Variants in XK observed in about 807,000 individuals in gnomAD.
XK encodes X-linked Kx blood group antigen, Kell and VPS13A binding protein, also known as endoplasmic reticulum membrane adapter protein XK.
Under a neutral mutation model 14.0 loss-of-function variants are expected in XK, and 2 were observed. The observed-to-expected ratio is 0.14, with a 90% CI of 0.06 to 0.45. The LOEUF (loss-of-function observed/expected upper bound fraction) is 0.45, where lower values mean the gene tolerates loss of function less well. Among genes scored for constraint, XK ranks in the 20% least tolerant of loss-of-function variants. XK has a pLI of 0.98. For missense variants in XK, 235 were observed against 341.5 expected, an observed-to-expected ratio of 0.69 and a Z score of 2.46; for synonymous variants, 149 against 147.5, an observed-to-expected ratio of 1.01 and a Z score of -0.08.
chrX:37,699,547 A>G (rs1927369882), intron 2 of XK, among the ~76,000 whole-genome samples: 1 of 111,870 alleles, frequency 8.9e-6, no homozygotes, highest in Non-Finnish European at 1.9e-5. Flanking sequence ...TTGAACCTCT[A>G]CTGTACAAGA....
intron 2 of XK, among the ~76,000 whole-genome samples, chrX:37,698,543 C>CAAA (rs35497516): frequency 1.5e-4 from 4 of 26,981 alleles, no homozygotes; most frequent in African/African-American, 3.7e-4. Flanking sequence ...GACCTTGCCT[C>CAAA]AAAAAAAAAA....
chrX:37,695,398 A>G (rs1434955146), intron 2 of XK, among the ~76,000 whole-genome samples: 1 of 110,585 alleles, frequency 9.0e-6, no homozygotes, highest in African/African-American at 3.3e-5. Flanking sequence ...CCTTTGGGCT[A>G]TTCTCACATC....
chrX:37,694,318 C>T lies in XK; in HGVS notation c.278C>T (p.Ser93Leu). 8.3e-7 allele frequency: 1 copy of T among 1,212,025 alleles called. No individual in the cohort carries two copies. The highest frequency in any genetic ancestry group is 2.2e-5 in the Admixed American group (1 of 46,109). The change falls in exon 2 of 3, where the codon TCA (serine) becomes TTA (leucine). Residue 93 changes from serine (S) to leucine (L), a missense_variant. Ser to Leu is a moderately radical substitution (Grantham distance 145). Transcript: ENST00000378616. ...GAAGTCTTCTGCATCTACTTTCAGT[C>T]AGGCAACAATGAAGAGCCTTATGTC... ...CFEVFCIYFQ[S>L]GNNEEPYVSI...
intron 1 of XK, among the ~76,000 whole-genome samples, chrX:37,687,180 TTCTCTCTCTCTCTTAC>T (rs1262875719): frequency 4.9e-5 from 4 of 82,015 alleles, no homozygotes; most frequent in Non-Finnish European, 9.4e-5. Flanking sequence ...CTCTCTCTCT[TTCTCTCTCTCTCTTAC>T]ACACACACAC....
chrX:37,702,636 A>G (rs1196059569), intron 2 of XK, among the ~76,000 whole-genome samples: 1 of 111,827 alleles, frequency 8.9e-6, no homozygotes, highest in Non-Finnish European at 1.9e-5. Context: ...TGCACCATGA[A>G]GACTGGGCCT....
At chrX:37,712,264 G>A (rs993381313) in intron 2 of XK, among the ~76,000 whole-genome samples, 2 of 111,889 alleles carry the variant, frequency 1.8e-5, no homozygotes, top group East Asian at 2.8e-4. Flanking sequence ...GGCCAGACAC[G>A]TTGACTAGAT....
rs782030949 is a variant in XK, at chrX:37,731,829, A to G, written c.*3367A>G. 9 of 112,427 alleles carry G rather than the reference A, an allele frequency of 8.0e-5. No individual in the cohort carries two copies. In the East Asian group the frequency reaches 2.0e-3, roughly 24 times the overall value. The allele number at this position is 112,427 out of a possible 1,213,427, so 9.3% of individuals were successfully genotyped here. A position where few individuals can be genotyped will look rare whatever the true frequency, so the allele number is the denominator to read the frequency against. ...AGTTTTCGATAAAGGATATAGCAAC[A>G]TCTTTTGATAATTGTGCTTTACAAC... is the stretch of plus-strand genomic sequence containing the variant. On this transcript the variant is annotated 3_prime_UTR_variant, in exon 3 of 3. Transcript: ENST00000378616.
chrX:37,701,606 G>A (rs1927418394), intron 2 of XK, among the ~76,000 whole-genome samples: 1 of 112,573 alleles, frequency 8.9e-6, no homozygotes, highest in South Asian at 3.7e-4. Flanking sequence ...TGCTGGGCAG[G>A]TTTGCTCATG....
intron 1 of XK, among the ~76,000 whole-genome samples, chrX:37,688,299 C>T (rs969187342): frequency 1.8e-5 from 2 of 109,902 alleles, no homozygotes; most frequent in Non-Finnish European, 3.8e-5. Flanking sequence ...ATCTCTTGAC[C>T]TCGTGATCCG....
At chrX:37,696,288 T>C (rs1411103329) in intron 2 of XK, among the ~76,000 whole-genome samples, 21 of 112,774 alleles carry the variant, frequency 1.9e-4, no homozygotes, top group African/African-American at 6.8e-4. Flanking sequence ...TTACTAACTT[T>C]TTACAAAGAA....
intron 2 of XK, among the ~76,000 whole-genome samples, chrX:37,705,598 A>G (rs1451239163): frequency 2.7e-5 from 3 of 111,734 alleles, no homozygotes; most frequent in African/African-American, 9.7e-5. Context: ...GAAACATACT[A>G]TGGACAGTGG....
chrX:37,731,887 G>C lies in XK; in HGVS notation c.*3425G>C, dbSNP rs1556451281. 8.9e-6 allele frequency: 1 copy of C among 112,085 alleles called. No individual in the cohort carries two copies. Among genetic ancestry groups the C allele is most frequent in the Admixed American group, 9.5e-5 (1 of 10,563 alleles). The allele number at this position is 112,085 out of a possible 1,213,427, so 9.2% of individuals were successfully genotyped here. A position where few individuals can be genotyped will look rare whatever the true frequency, so the allele number is the denominator to read the frequency against. On this transcript the variant is annotated 3_prime_UTR_variant, in exon 3 of 3. Coordinates refer to ENST00000378616, the MANE Select transcript of XK (RefSeq NM_021083.4). The stretch of plus-strand genomic sequence containing the variant: ...CTGATTCAAGGCATTATTTGGATGT[G>C]AGTTTAATCTTTTCAGCCTTGTAAA...
At chrX:37,720,107 C>T (rs1489620262) in intron 2 of XK, among the ~76,000 whole-genome samples, 2 of 111,071 alleles carry the variant, frequency 1.8e-5, no homozygotes, top group Non-Finnish European at 3.8e-5. Flanking sequence ...CATTATGGGG[C>T]CTGAATGTCA....
chrX:37,688,124 G>A lies in XK; in HGVS notation c.245+1918G>A, dbSNP rs1377329017. ...CGCCCAGGCTGGAGTGCAGTGGCGC[G>A]ATCTCAGCTCACTGCAAGCTCCGCT... On this transcript the variant is annotated intron_variant, in intron 1 of 2. Coordinates refer to ENST00000378616, the MANE Select transcript of XK (RefSeq NM_021083.4). Among the ~76,000 whole-genome samples, 7 of 99,213 alleles carry A rather than the reference G, an allele frequency of 7.1e-5. No homozygotes were observed. In the South Asian group the frequency reaches 2.9e-3, roughly 41 times the overall value. 86.2% of individuals were successfully genotyped at this position (99,213 alleles called of 115,157 possible).
chrX:37,718,596 C>A (rs964175514), intron 2 of XK, among the ~76,000 whole-genome samples: 2 of 111,690 alleles, frequency 1.8e-5, no homozygotes, highest in Admixed American at 1.9e-4. Context: ...CATGTATATG[C>A]AGGAGTAGAA....
chrX:37,720,661 T>C (rs913371574), intron 2 of XK, among the ~76,000 whole-genome samples: 1 of 110,800 alleles, frequency 9.0e-6, no homozygotes, highest in Non-Finnish European at 1.9e-5. Flanking sequence ...AAGTACAATG[T>C]ACATTAAGTA....
At position 37,729,330 on chromosome X, in the gene XK, A is replaced by T. The variant is rs782560622; in HGVS notation, c.*868A>T. The T allele has an allele frequency of 1.7e-4, 19 of 111,539 alleles. No individual in the cohort carries two copies. The East Asian group carries it at 5.4e-3, about 31-fold the overall frequency. 9.2% of individuals were successfully genotyped at this position (111,539 alleles called of 1,213,427 possible). A position where few individuals can be genotyped will look rare whatever the true frequency, so the allele number is the denominator to read the frequency against. On this transcript the variant is annotated 3_prime_UTR_variant, in exon 3 of 3. Coordinates refer to ENST00000378616, the MANE Select transcript of XK (RefSeq NM_021083.4). ...TGGTTAACTTAAGGGTTTTTTAGAA[A>T]ACCCCACAGAAATCTCTCACCCAGT...
At chrX:37,714,719 T>C (rs1927730888) in intron 2 of XK, among the ~76,000 whole-genome samples, 1 of 111,140 alleles carries the variant, frequency 9.0e-6, no homozygotes, top group Admixed American at 9.6e-5. Context: ...TCCTTAGAGA[T>C]AGCTTGTTGT....
intron 1 of XK, among the ~76,000 whole-genome samples, chrX:37,687,780 G>T (rs1927113314): frequency 9.0e-6 from 1 of 111,607 alleles, no homozygotes; most frequent in South Asian, 3.8e-4. Context: ...TCCAGAAGCT[G>T]CAGAATCCTA....
Sources: gnomAD v4.1 joint callset for allele counts (sites outside exome capture counted in the v4.1 genomes callset) on GRCh38, gnomAD v4.1.1 for gene constraint, MANE v1.5 for transcripts, NCBI Gene and HGNC (gene_info 2026-07-23, HGNC 2026-07-21) for gene names.